The following FAM110B variants were observed in gnomAD, a reference collection of about 807,000 sequenced individuals.
FAM110B encodes the protein protein FAM110B.
Under a neutral mutation model 20.4 loss-of-function variants are expected in FAM110B, and 6 were observed. That is an observed-to-expected ratio of 0.29 (90% CI 0.16 to 0.58). The LOEUF (loss-of-function observed/expected upper bound fraction) is 0.58, where lower values mean the gene tolerates loss of function less well. Among genes scored for constraint, FAM110B ranks in the 20% least tolerant of loss-of-function variants. FAM110B has a pLI of 0.90. For missense variants in FAM110B, 434 were observed against 498.2 expected, an observed-to-expected ratio of 0.87 and a Z score of 1.23; for synonymous variants, 226 against 214.1, an observed-to-expected ratio of 1.06 and a Z score of -0.49.
At chr8:58,081,871 C>A (rs1260800175) in intron 3 of FAM110B, among the ~76,000 whole-genome samples, 3 of 152,022 alleles carry the variant, frequency 2.0e-5, no homozygotes, top group African/African-American at 7.2e-5. Flanking sequence ...CAAATTTCTT[C>A]ACAATTTAAT....
At chr8:58,011,666 A>C (rs972754969) in intron 1 of FAM110B, among the ~76,000 whole-genome samples, 1 of 152,194 alleles carries the variant, frequency 6.6e-6, no homozygotes. Flanking sequence ...AAAGAAAGAG[A>C]ACCTTTGACA....
chr8:58,001,286 T>A (rs1042289537), intron 1 of FAM110B, among the ~76,000 whole-genome samples: 1 of 152,194 alleles, frequency 6.6e-6, no homozygotes, highest in Admixed American at 6.5e-5. Flanking sequence ...ATATCTGTGG[T>A]CTGCCTGTAT....
chr8:58,014,545 G>C (rs568145293), intron 1 of FAM110B, among the ~76,000 whole-genome samples: 2 of 152,286 alleles, frequency 1.3e-5, no homozygotes, highest in East Asian at 3.9e-4. Context: ...TGCTGCAAAG[G>C]GCAGAAAGGG....
chr8:58,104,389 A>G (rs925614757), intron 3 of FAM110B, among the ~76,000 whole-genome samples: 1 of 152,214 alleles, frequency 6.6e-6, no homozygotes, highest in African/African-American at 2.4e-5. Flanking sequence ...ATTTAAATAT[A>G]TCGTTTTATA....
chr8:58,126,949 T>G (rs779075094), intron 3 of FAM110B, among the ~76,000 whole-genome samples: 1 of 152,242 alleles, frequency 6.6e-6, no homozygotes, highest in Non-Finnish European at 1.5e-5. Context: ...ACTCTTTTGA[T>G]GTCATATCAA....
chr8:58,108,002 C>T (rs369357921), intron 3 of FAM110B, among the ~76,000 whole-genome samples: 197 of 152,288 alleles, frequency 1.3e-3, no homozygotes, highest in African/African-American at 4.3e-3. Context: ...ACTAATGTAA[C>T]GTCCCAATCC....
intron 2 of FAM110B, chr8:58,032,828 T>A (rs1804994087): frequency 6.6e-6 from 1 of 152,206 alleles, no homozygotes; most frequent in Non-Finnish European, 1.5e-5. Flanking sequence ...GCAGGAGTGG[T>A]GAACTTCTCC....
At chr8:58,088,955 C>G (rs1223081815) in intron 3 of FAM110B, among the ~76,000 whole-genome samples, 2 of 152,176 alleles carry the variant, frequency 1.3e-5, no homozygotes, top group Non-Finnish European at 2.9e-5. Context: ...GGATAAGAGA[C>G]TAGTGCCATG....
intron 2 of FAM110B, among the ~76,000 whole-genome samples, chr8:58,059,906 A>G (rs1030000438): frequency 6.6e-6 from 1 of 151,972 alleles, no homozygotes; most frequent in East Asian, 1.9e-4. Context: ...CCTCAGATTG[A>G]TATTTTTGGT....
chr8:58,114,444 G>A (rs1225925339), intron 3 of FAM110B, among the ~76,000 whole-genome samples: 1 of 152,104 alleles, frequency 6.6e-6, no homozygotes, highest in Non-Finnish European at 1.5e-5. Context: ...CCTACCCAGG[G>A]CGTCATCGTC....
At chr8:58,061,192 A>G (rs1805651651) in intron 2 of FAM110B, among the ~76,000 whole-genome samples, 2 of 152,218 alleles carry the variant, frequency 1.3e-5, no homozygotes, top group Non-Finnish European at 2.9e-5. Context: ...GGTTAAAATT[A>G]TAAAAGCTTC....
intron 2 of FAM110B, among the ~76,000 whole-genome samples, chr8:58,054,098 G>A (rs369883329): frequency 2.0e-5 from 3 of 152,252 alleles, no homozygotes; most frequent in East Asian, 3.9e-4. Flanking sequence ...GCCTTTGATT[G>A]GCCAAAACTC....
chr8:58,067,448 T>C lies in FAM110B; in HGVS notation c.-413-8087T>C, dbSNP rs139393330. 5.7e-3 allele frequency among the ~76,000 whole-genome samples: 870 copies of C among 152,282 alleles called. 10 individuals carry two copies. The highest frequency in any genetic ancestry group is 0.019 in the African/African-American group (796 of 41,548). ...AAACCCTTTCCTCCTCTAGTGTGTATGGTTGTGTCTCCTCCTTCCTCCTCC... is the reference window on the plus strand; with the variant it reads ...AAACCCTTTCCTCCTCTAGTGTGTACGGTTGTGTCTCCTCCTTCCTCCTCC... On this transcript the variant is annotated intron_variant, in intron 2 of 3. Transcript: ENST00000519262.
At chr8:58,057,628 A>G (rs1364369809) in intron 2 of FAM110B, among the ~76,000 whole-genome samples, 9 of 152,118 alleles carry the variant, frequency 5.9e-5, no homozygotes, top group Admixed American at 5.9e-4. Flanking sequence ...GCAGTTCAGA[A>G]ATAGTCATGT....
intron 2 of FAM110B, among the ~76,000 whole-genome samples, chr8:58,044,442 T>C (rs1187390240): frequency 6.6e-6 from 1 of 152,180 alleles, no homozygotes; most frequent in Non-Finnish European, 1.5e-5. Flanking sequence ...CAGTTAAAAA[T>C]GTATGAATGA....
intron 2 of FAM110B, among the ~76,000 whole-genome samples, chr8:58,040,141 G>A (rs1024252552): frequency 3.3e-5 from 5 of 151,590 alleles, no homozygotes; most frequent in Non-Finnish European, 7.4e-5. Context: ...GCGCTTCTTC[G>A]ACATACTGTA....
Position 58,146,734 on chromosome 8 carries a change from G to T in FAM110B, c.504G>T (p.Thr168=). The T allele has an allele frequency of 1.9e-6, 3 of 1,611,852 alleles. No homozygotes were observed. The highest frequency in any genetic ancestry group is 2.5e-6 in the Non-Finnish European group (3 of 1,179,146). The change falls in exon 4 of 4, where the codon ACG becomes ACT. Residue 168 remains threonine, a synonymous_variant. Transcript: ENST00000519262. ...SFAESLKVYP[T]QGRRSPQEGG... Reference sequence around the variant, plus strand: ...CGGAGTCCCTGAAGGTCTACCCCACGCAGGGCCGCAGGAGCCCGCAGGAGG... The same window carrying T: ...CGGAGTCCCTGAAGGTCTACCCCACTCAGGGCCGCAGGAGCCCGCAGGAGG...
At chr8:58,087,720 T>G (rs984123945) in intron 3 of FAM110B, among the ~76,000 whole-genome samples, 11 of 152,204 alleles carry the variant, frequency 7.2e-5, no homozygotes, top group African/African-American at 2.7e-4. Flanking sequence ...GGGTCTCTCC[T>G]TTAGCCAAAA....
intron 3 of FAM110B, among the ~76,000 whole-genome samples, chr8:58,132,301 C>T (rs547413565): frequency 9.2e-5 from 14 of 152,286 alleles, no homozygotes; most frequent in African/African-American, 3.1e-4. Flanking sequence ...AGTAGGTACA[C>T]ACTCTTCCAC....
Sources: gnomAD v4.1 joint callset for allele counts (sites outside exome capture counted in the v4.1 genomes callset) on GRCh38, gnomAD v4.1.1 for gene constraint, MANE v1.5 for transcripts, NCBI Gene and HGNC (gene_info 2026-07-23, HGNC 2026-07-21) for gene names.